The following IRAG2 variants were observed in gnomAD, a reference collection of about 807,000 sequenced individuals.
The protein encoded by IRAG2 is inositol 1,4,5-triphosphate receptor associated 2, also known as lymphoid restricted membrane protein.
Under a neutral mutation model 69.9 loss-of-function variants are expected in IRAG2, and 45 were observed. That is an observed-to-expected ratio of 0.64 (90% CI 0.51 to 0.83). IRAG2 has a LOEUF of 0.83. Ranked by LOEUF, IRAG2 falls within the 40% of genes least tolerant of loss-of-function variation. IRAG2 has a pLI of 0.00. For synonymous variants in IRAG2, 193 were observed against 202.4 expected, an observed-to-expected ratio of 0.95 and a Z score of 0.40; for missense variants, 520 against 587.0, an observed-to-expected ratio of 0.89 and a Z score of 1.18.
At chr12:25,061,108 C>T (rs78962589) in intron 1 of IRAG2, among the ~76,000 whole-genome samples, 16,544 of 152,128 alleles carry the variant, frequency 0.11, 979 homozygotes, top group African/African-American at 0.14. Context: ...CCATTTTTCC[C>T]GAGTCATAAG....
At chr12:25,098,569 T>C (rs1449338637) in intron 15 of IRAG2, among the ~76,000 whole-genome samples, 1 of 152,256 alleles carries the variant, frequency 6.6e-6, no homozygotes, top group Non-Finnish European at 1.5e-5. Flanking sequence ...CTCAGAGTCA[T>C]GGGACCAAAT....
chr12:25,083,591 C>G, intron 10 of IRAG2, 98 bp downstream of exon 10: 1 of 708,460 alleles, frequency 1.4e-6, no homozygotes, highest in Non-Finnish European at 2.4e-6. Context: ...TCTCATTTAT[C>G]CTTTCAAAAT....
intron 6 of IRAG2, among the ~76,000 whole-genome samples, chr12:25,073,997 A>T (rs1246683732): frequency 6.6e-6 from 1 of 152,216 alleles, no homozygotes; most frequent in African/African-American, 2.4e-5. Flanking sequence ...ATGCTCTAGA[A>T]TCTTTAGCCA....
Position 25,094,685 on chromosome 12 carries a change from G to A in IRAG2, c.607-2225G>A, listed in dbSNP as rs191418677. 6.7e-4 allele frequency among the ~76,000 whole-genome samples: 101 copies of A among 151,854 alleles called. 1 individual carries two copies. Among genetic ancestry groups the A allele is most frequent in the Admixed American group, 4.6e-4 (7 of 15,202 alleles). ...TACTATAGAGAGCTTAACAAAATCAGGTCTACCAACCCATGAACACAGGGT... is the reference window on the plus strand; with the variant it reads ...TACTATAGAGAGCTTAACAAAATCAAGTCTACCAACCCATGAACACAGGGT... On this transcript the variant is annotated intron_variant, in intron 14 of 21. Coordinates refer to ENST00000556887, the MANE Select transcript of IRAG2 (RefSeq NM_001366544.2).
In IRAG2 at chr12:25,107,903, T is replaced by A; in HGVS notation, c.1343T>A (p.Ile448Asn). The change falls in exon 22 of 22, where the codon ATT (isoleucine) becomes AAT (asparagine). Residue 448 changes from isoleucine to asparagine, a missense_variant. By Grantham distance (149) the Ile-to-Asn change is moderately radical. Transcript: ENST00000556887. ...NKALWLSIAF[I>N]VLFAALMSFL... ...GCCCTCTGGCTCTCTATTGCATTCATTGTACTGTTTGCAGCTTTGATGAGC... is the reference window on the plus strand; with the variant it reads ...GCCCTCTGGCTCTCTATTGCATTCAATGTACTGTTTGCAGCTTTGATGAGC... 1 of 1,614,210 alleles carries A rather than the reference T, an allele frequency of 6.2e-7. No individual in the cohort carries two copies. Among genetic ancestry groups the A allele is most frequent in the Non-Finnish European group, 8.5e-7 (1 of 1,180,012 alleles).
chr12:25,103,180 T>G (rs1021203960), intron 17 of IRAG2: 5 of 152,222 alleles, frequency 3.3e-5, no homozygotes, highest in African/African-American at 1.2e-4. Flanking sequence ...ATGTACTTAT[T>G]TAAACCTTAA....
At chr12:25,088,214 G>C in intron 11 of IRAG2, 57 bp downstream of exon 11, 1 of 1,411,994 alleles carries the variant, frequency 7.1e-7, no homozygotes, top group Non-Finnish European at 1.0e-6. Flanking sequence ...TGATATTTTT[G>C]TGGGTGAAAT....
At chr12:25,025,952 T>C (rs1051666330) in intron 8 of IRAG2, among the ~76,000 whole-genome samples, 2 of 152,202 alleles carry the variant, frequency 1.3e-5, no homozygotes, top group Non-Finnish European at 2.9e-5. Flanking sequence ...AAATTTTTTG[T>C]AAAGGGCCTG....
chr12:25,035,487 G>T (rs1348199925), intron 13 of IRAG2: 6 of 394,000 alleles, frequency 1.5e-5, no homozygotes, highest in Non-Finnish European at 2.7e-5. Flanking sequence ...ATCCCAGAGA[G>T]AAAATATCAA....
At chr12:25,095,123 T>C (rs1948335741) in intron 14 of IRAG2, among the ~76,000 whole-genome samples, 2 of 152,164 alleles carry the variant, frequency 1.3e-5, no homozygotes, top group South Asian at 4.1e-4. Flanking sequence ...ATAATATTGG[T>C]GAGAGTGGGC....
At chr12:25,079,131 C>G in intron 6 of IRAG2, 113 bp from the exon 7 acceptor site, 1 of 1,012,932 alleles carries the variant, frequency 9.9e-7, no homozygotes, top group African/African-American at 1.6e-5. Flanking sequence ...TCCAAAAGAG[C>G]TGAGTAAATA....
At chr12:25,035,098 A>G (rs980776897) in intron 13 of IRAG2, among the ~76,000 whole-genome samples, 3 of 152,212 alleles carry the variant, frequency 2.0e-5, no homozygotes, top group African/African-American at 4.8e-5. Flanking sequence ...AGGTTTACCC[A>G]CTGATGAGTT....
chr12:25,047,144 G>A (rs1340330531), intron 16 of IRAG2, among the ~76,000 whole-genome samples: 2 of 152,104 alleles, frequency 1.3e-5, no homozygotes, highest in Non-Finnish European at 2.9e-5. Context: ...AATGAAATTG[G>A]ACTCTTATAC....
intron 1 of IRAG2, chr12:25,005,142 A>T: frequency 1.8e-6 from 1 of 555,074 alleles, no homozygotes; most frequent in African/African-American, 1.9e-5. Context: ...AAGGCTGTTT[A>T]TTATGATAGG....
At chr12:25,042,703 G>A (rs1386851211) in intron 16 of IRAG2, among the ~76,000 whole-genome samples, 4 of 151,828 alleles carry the variant, frequency 2.6e-5, no homozygotes, top group Non-Finnish European at 5.9e-5. Flanking sequence ...TTGACCTCGT[G>A]ATCCACCTGC....
At chr12:25,016,696 G>A (rs971666306) in intron 5 of IRAG2, among the ~76,000 whole-genome samples, 5 of 151,566 alleles carry the variant, frequency 3.3e-5, no homozygotes, top group African/African-American at 1.2e-4. Context: ...TTGGGAGGCG[G>A]AGGATCGTGC....
intron 16 of IRAG2, among the ~76,000 whole-genome samples, chr12:25,046,198 G>A (rs933542738): frequency 6.6e-5 from 10 of 151,936 alleles, no homozygotes; most frequent in African/African-American, 2.2e-4. Flanking sequence ...AAGAAACTAG[G>A]AATAGAAGAA....
intron 9 of IRAG2, among the ~76,000 whole-genome samples, 170 bp from the exon 10 acceptor site, chr12:25,083,253 C>T (rs942343612): frequency 6.6e-6 from 1 of 152,188 alleles, no homozygotes; most frequent in African/African-American, 2.4e-5. Flanking sequence ...CTGCTCCATC[C>T]TAATTCTGAG....
At chr12:25,024,936 A>G (rs1944609920) in intron 8 of IRAG2, among the ~76,000 whole-genome samples, 1 of 152,246 alleles carries the variant, frequency 6.6e-6, no homozygotes, top group Admixed American at 6.5e-5. Flanking sequence ...TAGCATTGCA[A>G]TTATTGACTT....
Sources: allele counts gnomAD v4.1 joint callset (sites outside exome capture counted in the v4.1 genomes callset), GRCh38; gene constraint gnomAD v4.1.1; transcripts MANE v1.5; gene names NCBI Gene and HGNC (gene_info 2026-07-23, HGNC 2026-07-21).